The following FAM227B variants were observed in gnomAD, a reference collection of about 807,000 sequenced individuals.
FAM227B encodes protein FAM227B.
A neutral mutation model predicts 73.8 loss-of-function variants in FAM227B; 88 were observed. The observed-to-expected ratio is 1.19, with a 90% CI of 1.00 to 1.42. FAM227B has a LOEUF of 1.42. FAM227B is among the 40% of genes most tolerant of loss of function. FAM227B has a pLI of 0.00. For synonymous variants in FAM227B, 210 were observed against 190.5 expected (o/e 1.10, Z -0.84); for missense variants, 632 against 590.9 (o/e 1.07, Z -0.72).
At chr15:49,352,637 T>C (rs964284367) in intron 13 of FAM227B, among the ~76,000 whole-genome samples, 4 of 152,146 alleles carry the variant, frequency 2.6e-5, no homozygotes, top group African/African-American at 9.7e-5. Flanking sequence ...ATATTGAGAG[T>C]AAGCAAAAAT....
intron 13 of FAM227B, among the ~76,000 whole-genome samples, chr15:49,356,048 T>A (rs1260549152): frequency 1.3e-5 from 2 of 150,814 alleles, no homozygotes. Context: ...GCTGAGAGAT[T>A]TTCTCACCAA....
At chr15:49,378,833 C>G (rs2046336649) in intron 11 of FAM227B, among the ~76,000 whole-genome samples, 1 of 152,028 alleles carries the variant, frequency 6.6e-6, no homozygotes, top group Non-Finnish European at 1.5e-5. Flanking sequence ...ACTTCCAGTA[C>G]TATGTTGAAT....
At chr15:49,408,407 G>C (rs2048659130) in intron 11 of FAM227B, among the ~76,000 whole-genome samples, 1 of 152,020 alleles carries the variant, frequency 6.6e-6, no homozygotes, top group African/African-American at 2.4e-5. Context: ...CCATGACATG[G>C]GTCTTCACTC....
chr15:49,470,388 C>T (rs2054636763), intron 11 of FAM227B, among the ~76,000 whole-genome samples: 1 of 152,006 alleles, frequency 6.6e-6, no homozygotes, highest in Admixed American at 6.6e-5. Flanking sequence ...TCTGTTGATC[C>T]TACATATCTA....
At chr15:49,596,354 C>A (rs114946968) in intron 3 of FAM227B, among the ~76,000 whole-genome samples, 2,182 of 151,938 alleles carry the variant, frequency 0.014, 26 homozygotes, top group Middle Eastern at 0.037. Context: ...TTGTATCCAG[C>A]AAAACTAAGA....
intron 11 of FAM227B, among the ~76,000 whole-genome samples, chr15:49,435,320 T>C (rs1370526006): frequency 6.6e-6 from 1 of 151,574 alleles, no homozygotes; most frequent in Non-Finnish European, 1.5e-5. Context: ...ATGTTTGGCA[T>C]GTAAGGACAA....
At chr15:49,503,118 C>T (rs1410847692) in intron 11 of FAM227B, among the ~76,000 whole-genome samples, 2 of 152,108 alleles carry the variant, frequency 1.3e-5, no homozygotes, top group Admixed American at 6.5e-5. Flanking sequence ...AGAAATAATG[C>T]CACACATCTA....
At chr15:49,534,113 T>C (rs1024677489) in intron 10 of FAM227B, among the ~76,000 whole-genome samples, 2 of 151,828 alleles carry the variant, frequency 1.3e-5, no homozygotes, top group Non-Finnish European at 2.9e-5. Context: ...TTTGATAGCA[T>C]AACACACTCA....
At chr15:49,446,602 TA>T (rs921233618) in intron 11 of FAM227B, among the ~76,000 whole-genome samples, 6 of 151,316 alleles carry the variant, frequency 4.0e-5, no homozygotes, top group Admixed American at 4.0e-4. Flanking sequence ...AGAGCTTTTT[TA>T]AAGAAGAGAA....
chr15:49,445,636 C>T (rs1388393309), intron 11 of FAM227B, among the ~76,000 whole-genome samples: 1 of 151,242 alleles, frequency 6.6e-6, no homozygotes, highest in African/African-American at 2.4e-5. Context: ...ACTGTGTACA[C>T]CATAAATATG....
chr15:49,331,827 T>A lies in FAM227B; in HGVS notation c.1372A>T (p.Lys458Ter), dbSNP rs780285961. ...AAGTCCTGTTTCACTTCATGAGGTT[T>A]CTTGGTAGCCTTTGCTTGGAGTCTA... ...FRILQAKATK[K>*]PHEVKQDFEK... Residue 458 changes from lysine (K) to a stop codon, truncating the protein, a stop_gained, in exon 15 of 16, where the codon AAA (lysine) becomes TAA (stop). Coordinates refer to ENST00000299338, the MANE Select transcript of FAM227B (RefSeq NM_152647.3). LOFTEE classifies it low-confidence loss of function (END_TRUNC). 1 of 1,611,448 alleles carries A rather than the reference T, an allele frequency of 6.2e-7. No individual in the cohort carries two copies. The highest frequency in any genetic ancestry group is 8.5e-7 in the Non-Finnish European group (1 of 1,177,642).
At chr15:49,373,631 T>C (rs1466042760) in intron 11 of FAM227B, among the ~76,000 whole-genome samples, 1 of 152,158 alleles carries the variant, frequency 6.6e-6, no homozygotes, top group Non-Finnish European at 1.5e-5. Context: ...TCCACTTTCA[T>C]TGGGAAAATT....
chr15:49,433,337 AT>A (rs1225490708), intron 11 of FAM227B, among the ~76,000 whole-genome samples: 1 of 150,946 alleles, frequency 6.6e-6, no homozygotes, highest in East Asian at 2.0e-4. Flanking sequence ...CTTACTTTTT[AT>A]TTTTTTTAAT....
chr15:49,585,049 T>C (rs1355747540), intron 5 of FAM227B, among the ~76,000 whole-genome samples: 1 of 152,174 alleles, frequency 6.6e-6, no homozygotes, highest in African/African-American at 2.4e-5. Flanking sequence ...CAGACACTTC[T>C]CTAAAGAAGA....
Position 49,496,853 on chromosome 15 carries a change from A to G in FAM227B, c.1012+11358T>C, listed in dbSNP as rs1453416173. 2.6e-5 allele frequency among the ~76,000 whole-genome samples: 4 copies of G among 152,172 alleles called. No individual in the cohort carries two copies. The East Asian group carries it at 7.7e-4, about 29-fold the overall frequency. Reference sequence around the variant, plus strand: ...TATGCATGCATATGTACATATACTAATGTTTTACCCTAGTTCTGCTCTTTA... The same window carrying G: ...TATGCATGCATATGTACATATACTAGTGTTTTACCCTAGTTCTGCTCTTTA... On this transcript the variant is annotated intron_variant, in intron 11 of 15. Coordinates refer to ENST00000299338, the MANE Select transcript of FAM227B (RefSeq NM_152647.3).
chr15:49,557,713 G>T (rs1174101997), intron 9 of FAM227B, among the ~76,000 whole-genome samples: 1 of 152,090 alleles, frequency 6.6e-6, no homozygotes, highest in Admixed American at 6.5e-5. Flanking sequence ...GTCCTGAGGG[G>T]ATCTATACTT....
At chr15:49,541,560 T>C in intron 10 of FAM227B, 120 bp downstream of exon 10, 2 of 848,152 alleles carry the variant, frequency 2.4e-6, no homozygotes, top group Non-Finnish European at 3.3e-6. Flanking sequence ...TGGGTACTGC[T>C]ATGGCATGCT....
At chr15:49,550,467 G>A (rs1215978768) in intron 9 of FAM227B, among the ~76,000 whole-genome samples, 27 of 151,760 alleles carry the variant, frequency 1.8e-4, no homozygotes, top group African/African-American at 6.0e-4. Flanking sequence ...CCAGGCGGAG[G>A]GGCTCCTCAC....
intron 15 of FAM227B, chr15:49,330,395 A>T (rs1175866085): frequency 6.6e-6 from 1 of 152,174 alleles, no homozygotes; most frequent in Non-Finnish European, 1.5e-5. Flanking sequence ...ATGACTAAAA[A>T]CTTGGGCTCC....
Sources: gnomAD v4.1 joint callset for allele counts (sites outside exome capture counted in the v4.1 genomes callset) on GRCh38, gnomAD v4.1.1 for gene constraint, MANE v1.5 for transcripts, NCBI Gene and HGNC (gene_info 2026-07-23, HGNC 2026-07-21) for gene names.